Variants in COL19A1 observed in about 807,000 individuals in gnomAD.
The protein encoded by COL19A1 is collagen alpha-1(XIX) chain.
Under a neutral mutation model 190.2 loss-of-function variants are expected in COL19A1, and 159 were observed. The ratio of observed to expected loss-of-function variants is 0.84; its 90% CI spans 0.73 to 0.95. The LOEUF is 0.95. Ranked by LOEUF, COL19A1 falls within the 40% of genes least tolerant of loss-of-function variation. COL19A1 has a pLI of 0.00. For synonymous variants in COL19A1, 509 were observed against 458.9 expected, an observed-to-expected ratio of 1.11 and a Z score of -1.39; for missense variants, 1,418 against 1,431.9, an observed-to-expected ratio of 0.99 and a Z score of 0.16.
At chr6:70,197,309 G>A (rs796686911) in intron 48 of COL19A1, among the ~76,000 whole-genome samples, 32 of 152,012 alleles carry the variant, frequency 2.1e-4, no homozygotes, top group African/African-American at 6.3e-4. Flanking sequence ...TGTAGTCCCA[G>A]CTACTCGGGA....
chr6:70,168,161 T>C lies in COL19A1; in HGVS notation c.2497-10T>C. On this transcript the variant is annotated splice_polypyrimidine_tract_variant and intron_variant, in intron 38 of 50. Coordinates refer to ENST00000620364, the MANE Select transcript of COL19A1 (RefSeq NM_001858.6). The stretch of plus-strand genomic sequence containing the variant: ...TTCTCTTTTTCTTTTCTTTTCATTT[T>C]CTTTTGAAGGGAGGTGTGAATGTTC... The C allele has an allele frequency of 1.2e-6, 2 of 1,612,828 alleles. No individual in the cohort carries two copies. Among genetic ancestry groups the C allele is most frequent in the Non-Finnish European group, 1.7e-6 (2 of 1,179,382 alleles).
At chr6:69,947,528 A>T (rs1208521) in intron 9 of COL19A1, among the ~76,000 whole-genome samples, 11,005 of 151,908 alleles carry the variant, frequency 0.072, 564 homozygotes, top group Middle Eastern at 0.26. Flanking sequence ...CTAAATTTTT[A>T]AAGTTCTCAT....
chr6:69,932,997 A>G, intron 7 of COL19A1, 134 bp downstream of exon 7: 1 of 537,896 alleles, frequency 1.9e-6, no homozygotes, highest in Non-Finnish European at 3.3e-6. Flanking sequence ...ATTCCTAGTA[A>G]GGAAGCATTC....
intron 7 of COL19A1, among the ~76,000 whole-genome samples, chr6:69,933,218 G>A (rs1230502155): frequency 6.6e-6 from 1 of 151,842 alleles, no homozygotes; most frequent in Non-Finnish European, 1.5e-5. Flanking sequence ...TTTCTACCCT[G>A]TCACCCATCC....
At chr6:70,085,580 A>G (rs889820940) in intron 15 of COL19A1, among the ~76,000 whole-genome samples, 11 of 152,242 alleles carry the variant, frequency 7.2e-5, no homozygotes, top group Admixed American at 5.2e-4. Flanking sequence ...AATATCAGGA[A>G]TAAACTATTT....
At chr6:70,164,692 A>C (rs1027654500) in intron 36 of COL19A1, among the ~76,000 whole-genome samples, 1 of 142,070 alleles carries the variant, frequency 7.0e-6, no homozygotes, top group Non-Finnish European at 1.5e-5. Flanking sequence ...GTGCCGGGGG[A>C]AAAAAAAGAC....
At chr6:70,181,648 A>G (rs1043814204) in intron 44 of COL19A1, among the ~76,000 whole-genome samples, 2 of 136,598 alleles carry the variant, frequency 1.5e-5, no homozygotes, top group African/African-American at 5.6e-5. Context: ...AGGAAAACAG[A>G]TAAAAACAAC....
chr6:69,914,818 TCA>T (rs1409489275), intron 4 of COL19A1, among the ~76,000 whole-genome samples: 1 of 152,230 alleles, frequency 6.6e-6, no homozygotes, highest in African/African-American at 2.4e-5. Context: ...TGAATGTATC[TCA>T]CACTCAATTT....
intron 4 of COL19A1, among the ~76,000 whole-genome samples, chr6:69,921,198 C>A (rs904295956): frequency 2.3e-5 from 3 of 129,440 alleles, no homozygotes; most frequent in Non-Finnish European, 4.6e-5. Flanking sequence ...ATATATATAT[C>A]ACATATATTC....
Position 69,921,429 on chromosome 6 carries a change from T to TATATATC in COL19A1, c.267-6473_267-6467dup, listed in dbSNP as rs1561998160. ...TATATATCATATATCATATATATCA[T>TATATATC]ATATATCATATATATCATATATCAT... is the stretch of plus-strand genomic sequence containing the variant. On this transcript the variant is annotated intron_variant, in intron 4 of 50. Transcript: ENST00000620364. 2.8e-4 allele frequency among the ~76,000 whole-genome samples: 34 copies of TATATATC among 120,332 alleles called. 1 individual carries two copies. The highest frequency in any genetic ancestry group is 8.1e-4 in the African/African-American group (22 of 27,248). 78.9% of individuals were successfully genotyped at this position (120,332 alleles called of 152,430 possible). A position where few individuals can be genotyped will look rare whatever the true frequency, so the allele number is the denominator to read the frequency against.
intron 47 of COL19A1, among the ~76,000 whole-genome samples, chr6:70,190,070 C>T (rs1203511806): frequency 6.6e-6 from 1 of 152,190 alleles, no homozygotes; most frequent in Non-Finnish European, 1.5e-5. Flanking sequence ...AATGGGAAAC[C>T]TGTTGATACC....
chr6:70,090,275 A>G (rs761804230), intron 15 of COL19A1, among the ~76,000 whole-genome samples: 6 of 152,210 alleles, frequency 3.9e-5, no homozygotes, highest in Non-Finnish European at 7.4e-5. Context: ...TCAACCAACC[A>G]TGGATTGAAA....
intron 16 of COL19A1, among the ~76,000 whole-genome samples, chr6:70,115,410 C>A (rs1008315005): frequency 6.6e-6 from 1 of 152,108 alleles, no homozygotes; most frequent in Non-Finnish European, 1.5e-5. Flanking sequence ...AGTCACATTA[C>A]CCTACCACCC....
At chr6:70,060,378 A>G (rs991594072) in intron 14 of COL19A1, among the ~76,000 whole-genome samples, 6 of 152,144 alleles carry the variant, frequency 3.9e-5, no homozygotes, top group Admixed American at 2.6e-4. Context: ...CCTCTACAGC[A>G]GGGGTCCCCA....
rs757767473 is a variant in COL19A1 at position 70,179,874 on chromosome 6, C to CTTTA, written c.2668-415_2668-412dup. ...AGTCTCTGTCCCCTTAGAAATGCCA[C>CTTTA]TTTATTTATTTATTTATTTATTTAT... On this transcript the variant is annotated intron_variant, in intron 42 of 50. Transcript: ENST00000620364. Among the ~76,000 whole-genome samples, 786 of 151,930 alleles carry CTTTA rather than the reference C, an allele frequency of 5.2e-3. 5 individuals are homozygous for CTTTA. Among genetic ancestry groups the CTTTA allele is most frequent in the African/African-American group, 0.013 (524 of 41,470 alleles).
chr6:69,999,474 C>A (rs1003124317), intron 11 of COL19A1, among the ~76,000 whole-genome samples: 3 of 152,124 alleles, frequency 2.0e-5, no homozygotes, highest in Non-Finnish European at 4.4e-5. Flanking sequence ...GTCAAGGCTG[C>A]AGTGACCTGT....
At position 69,935,494 on chromosome 6, in the gene COL19A1, A is replaced by G. The variant is rs113377641; in HGVS notation, c.748-1291A>G. Among the ~76,000 whole-genome samples the G allele has an allele frequency of 2.3e-3, 352 of 152,192 alleles. 2 individuals carry two copies. The highest frequency in any genetic ancestry group is 8.1e-3 in the African/African-American group (336 of 41,568). On this transcript the variant is annotated intron_variant, in intron 7 of 50. Coordinates refer to ENST00000620364, the MANE Select transcript of COL19A1 (RefSeq NM_001858.6). ...ATATCAAATCAAATGAGATGAATGA[A>G]CTGTTTTGGTAATAACCTTGTTCCA...
intron 15 of COL19A1, among the ~76,000 whole-genome samples, chr6:70,096,814 C>A (rs1332285691): frequency 6.6e-6 from 1 of 152,170 alleles, no homozygotes; most frequent in African/African-American, 2.4e-5. Flanking sequence ...AGCATTACTG[C>A]AAACTTGGTA....
chr6:70,106,170 A>G (rs1436840571), intron 16 of COL19A1, among the ~76,000 whole-genome samples: 14 of 152,318 alleles, frequency 9.2e-5, no homozygotes, highest in Admixed American at 4.6e-4. Context: ...TAAGTCCCCA[A>G]TGGCCTGAAG....
Sources: allele counts gnomAD v4.1 joint callset (sites outside exome capture counted in the v4.1 genomes callset), GRCh38; gene constraint gnomAD v4.1.1; transcripts MANE v1.5; gene names NCBI Gene and HGNC (gene_info 2026-07-23, HGNC 2026-07-21).